LRRC1: variants seen among roughly 807,000 people sequenced by gnomAD.
The protein encoded by LRRC1 is leucine rich repeat containing 1.
In LRRC1, 28 loss-of-function variants were observed where a neutral mutation model predicts 69.9. That is an observed-to-expected ratio of 0.40 (90% CI 0.30 to 0.55). The LOEUF (loss-of-function observed/expected upper bound fraction) is 0.55, where lower values mean the gene tolerates loss of function less well. LRRC1 is among the 20% of genes least tolerant of loss of function. The pLI is 0.47. For synonymous variants in LRRC1, 236 were observed against 240.2 expected (o/e 0.98, Z 0.16); for missense variants, 498 against 609.0 (o/e 0.82, Z 1.92).
chr6:53,865,039 C>T (rs961564333), intron 2 of LRRC1, among the ~76,000 whole-genome samples: 12 of 152,102 alleles, frequency 7.9e-5, no homozygotes, highest in East Asian at 1.9e-4. Flanking sequence ...GGAGCACAGG[C>T]GCCAGCTCAG....
intron 1 of LRRC1, among the ~76,000 whole-genome samples, chr6:53,807,275 C>G (rs1764659951): frequency 6.6e-6 from 1 of 152,156 alleles, no homozygotes; most frequent in African/African-American, 2.4e-5. Flanking sequence ...CAGACCCTCC[C>G]TCCTCCTTCC....
intron 2 of LRRC1, among the ~76,000 whole-genome samples, chr6:53,860,220 C>T (rs1440061843): frequency 2.6e-5 from 4 of 152,122 alleles, no homozygotes; most frequent in Admixed American, 6.5e-5. Flanking sequence ...CATAACAGTA[C>T]GTCATAAGCA....
At chr6:53,853,184 T>C (rs1440978150) in intron 2 of LRRC1, among the ~76,000 whole-genome samples, 1 of 152,132 alleles carries the variant, frequency 6.6e-6, no homozygotes, top group Non-Finnish European at 1.5e-5. Flanking sequence ...CCAAAGGCTA[T>C]ACCTTTTAAT....
At chr6:53,916,902 C>T (rs762365706) in intron 11 of LRRC1, among the ~76,000 whole-genome samples, 2 of 152,096 alleles carry the variant, frequency 1.3e-5, no homozygotes, top group Non-Finnish European at 2.9e-5. Flanking sequence ...AAGAGGCTTA[C>T]AGTTTGGTTA....
chr6:53,799,686 G>A (rs893327467), intron 1 of LRRC1, among the ~76,000 whole-genome samples: 2 of 152,184 alleles, frequency 1.3e-5, no homozygotes, highest in African/African-American at 4.8e-5. Context: ...GATCTGTTAA[G>A]GGAATATCCA....
At chr6:53,891,369 T>TA (rs1007284324) in intron 4 of LRRC1, among the ~76,000 whole-genome samples, 6 of 151,750 alleles carry the variant, frequency 4.0e-5, no homozygotes, top group South Asian at 2.1e-4. Flanking sequence ...GGGTTCTAGT[T>TA]AAAAAAATAA....
chr6:53,907,771 A>G (rs542100880), intron 10 of LRRC1, among the ~76,000 whole-genome samples: 1 of 151,176 alleles, frequency 6.6e-6, no homozygotes, highest in South Asian at 2.1e-4. Context: ...ATGGCCTGGA[A>G]CCTTACTTTG....
chr6:53,890,155 C>G (rs1767627669), intron 4 of LRRC1, among the ~76,000 whole-genome samples: 2 of 152,148 alleles, frequency 1.3e-5, no homozygotes, highest in Non-Finnish European at 1.5e-5. Context: ...GATTCTGTAT[C>G]CTTTACCGTT....
At chr6:53,852,199 C>G (rs1325549310) in intron 2 of LRRC1, among the ~76,000 whole-genome samples, 1 of 152,182 alleles carries the variant, frequency 6.6e-6, no homozygotes, top group Non-Finnish European at 1.5e-5. Flanking sequence ...AATACCTCCA[C>G]TAAATTAGAA....
intron 1 of LRRC1, among the ~76,000 whole-genome samples, chr6:53,838,798 C>T (rs1361803464): frequency 2.0e-5 from 3 of 152,168 alleles, no homozygotes; most frequent in African/African-American, 7.2e-5. Context: ...TAGTTGAGCA[C>T]TTTCCTCATC....
At chr6:53,811,169 T>A (rs1764783032) in intron 1 of LRRC1, among the ~76,000 whole-genome samples, 1 of 152,206 alleles carries the variant, frequency 6.6e-6, no homozygotes, top group Non-Finnish European at 1.5e-5. Context: ...GTCTAACCAC[T>A]CTGTTTTAGT....
intron 3 of LRRC1, 28 bp downstream of exon 3, chr6:53,879,099 A>G (rs1767174328): frequency 1.3e-6 from 2 of 1,530,366 alleles, no homozygotes; most frequent in South Asian, 1.1e-5. Context: ...TTTTCTGTCT[A>G]TACTAGTAAG....
Position 53,865,175 on chromosome 6 carries a change from C to T in LRRC1, c.278-13818C>T, listed in dbSNP as rs530263076. On this transcript the variant is annotated intron_variant, in intron 2 of 13. Coordinates refer to ENST00000370888, the MANE Select transcript of LRRC1 (RefSeq NM_018214.5). ...ATTCCTCTCCTCTCATAGTAGAGGA[C>T]AGTGTTGTATGGGAAGAAGATCAAG... Among the ~76,000 whole-genome samples, 18 of 152,210 alleles carry T rather than the reference C, an allele frequency of 1.2e-4. No homozygotes were observed. The South Asian group carries it at 3.1e-3, about 26-fold the overall frequency.
In LRRC1 at chr6:53,899,787, C is replaced by G. The variant is rs200231839; in HGVS notation, c.683C>G (p.Ser228Cys). ...AAGAACCTGCTGTGTTTAGATGTCTCTGAAAACAGGTTGGAAAGACTTCCT... is the reference window on the plus strand; with the variant it reads ...AAGAACCTGCTGTGTTTAGATGTCTGTGAAAACAGGTTGGAAAGACTTCCT... ...NLKNLLCLDV[S>C]ENRLERLPEE... Residue 228 changes from serine (S) to cysteine (C), a missense_variant, in exon 8 of 14, where the codon TCT (serine) becomes TGT (cysteine). Physicochemically the swap from Ser to Cys is moderately radical, Grantham distance 112. Coordinates refer to ENST00000370888, the MANE Select transcript of LRRC1 (RefSeq NM_018214.5). The G allele has an allele frequency of 3.6e-4, 579 of 1,613,986 alleles. No homozygotes were observed. Among genetic ancestry groups the G allele is most frequent in the Non-Finnish European group, 4.7e-4 (558 of 1,179,972 alleles).
chr6:53,879,666 A>G (rs555926732), intron 3 of LRRC1, among the ~76,000 whole-genome samples: 6 of 151,786 alleles, frequency 4.0e-5, no homozygotes, highest in Non-Finnish European at 7.4e-5. Flanking sequence ...CCATATCAAC[A>G]TCACTATTTC....
At chr6:53,886,870 T>G (rs1045739345) in intron 4 of LRRC1, among the ~76,000 whole-genome samples, 1 of 152,236 alleles carries the variant, frequency 6.6e-6, no homozygotes, top group Non-Finnish European at 1.5e-5. Flanking sequence ...TGTTCATTGT[T>G]TAATTTTATG....
At position 53,852,796 on chromosome 6, in the gene LRRC1, A is replaced by C. The variant is rs371767619; in HGVS notation, c.277+10569A>C. 1.6e-4 allele frequency among the ~76,000 whole-genome samples: 24 copies of C among 152,354 alleles called. No homozygotes were observed. The East Asian group carries it at 3.7e-3, about 23-fold the overall frequency. Reference sequence around the variant, plus strand: ...CTAAGACATTTAAACTTGCAAAAAAACCCATAAAACTACTAGTGAATAAGT... The same window carrying C: ...CTAAGACATTTAAACTTGCAAAAAACCCCATAAAACTACTAGTGAATAAGT... On this transcript the variant is annotated intron_variant, in intron 2 of 13. Coordinates refer to ENST00000370888, the MANE Select transcript of LRRC1 (RefSeq NM_018214.5).
intron 1 of LRRC1, among the ~76,000 whole-genome samples, chr6:53,820,767 A>C (rs1371519024): frequency 6.6e-6 from 1 of 152,092 alleles, no homozygotes; most frequent in East Asian, 1.9e-4. Context: ...AAGTGGGAAC[A>C]TTTTTCTTTC....
intron 2 of LRRC1, among the ~76,000 whole-genome samples, chr6:53,852,193 C>A (rs1048438986): frequency 6.6e-6 from 1 of 152,166 alleles, no homozygotes; most frequent in African/African-American, 2.4e-5. Flanking sequence ...CATGTAAATA[C>A]CTCCACTAAA....
Sources: gnomAD v4.1 joint callset for allele counts (sites outside exome capture counted in the v4.1 genomes callset) on GRCh38, gnomAD v4.1.1 for gene constraint, MANE v1.5 for transcripts, NCBI Gene and HGNC (gene_info 2026-07-23, HGNC 2026-07-21) for gene names.